Variants in UBOX5 observed in about 807,000 individuals in gnomAD.
UBOX5 encodes U-box domain containing 5, also known as RING finger protein 37.
UBOX5 carries 28 observed loss-of-function variants against 39.0 expected under a neutral mutation model. That is an observed-to-expected ratio of 0.72 (90% CI 0.53 to 0.98). The LOEUF (loss-of-function observed/expected upper bound fraction) is 0.98, where lower values mean the gene tolerates loss of function less well. Among genes scored for constraint, UBOX5 ranks in the 50% least tolerant of loss-of-function variants. UBOX5 has a pLI of 0.00. For synonymous variants in UBOX5, 283 were observed against 275.5 expected (o/e 1.03, Z -0.27); for missense variants, 585 against 674.4 (o/e 0.87, Z 1.47).
intron 1 of UBOX5, chr20:3,148,602 T>C (rs774784083): frequency 6.2e-7 from 1 of 1,614,196 alleles, no homozygotes; most frequent in Non-Finnish European, 8.5e-7. Context: ...GCCTGGAGAT[T>C]ATTTTGATTA....
At chr20:3,150,550 ACAAG>A (rs2066613985) in intron 1 of UBOX5, 1 of 152,206 alleles carries the variant, frequency 6.6e-6, no homozygotes, top group Non-Finnish European at 1.5e-5. Flanking sequence ...CCAAAGCCTG[ACAAG>A]CAAGACCCAA....
At chr20:3,140,937 T>A (rs1769376059) in intron 1 of UBOX5, among the ~76,000 whole-genome samples, 1 of 143,442 alleles carries the variant, frequency 7.0e-6, no homozygotes, top group Admixed American at 6.9e-5. Flanking sequence ...TTTTTTTTTT[T>A]AGACTGAGTC....
chr20:3,110,254 T>C lies in UBOX5; in HGVS notation c.1478A>G (p.Tyr493Cys), dbSNP rs748128271. Residue 493 changes from tyrosine (Y) to cysteine (C), a missense_variant, in exon 5 of 5, where the codon TAC (tyrosine) becomes TGC (cysteine). Tyr to Cys is a radical substitution (Grantham distance 194). Transcript: ENST00000217173. ...CASCKRVFSP[Y>C]FKKEPVYQLP... ...CTGGTACACCGGCTCCTTTTTGAAG[T>C]AGGGAGAAAATACTCTTTTGCAGGA... 74 of 1,613,938 alleles carry C rather than the reference T, an allele frequency of 4.6e-5. No homozygotes were observed. The highest frequency in any genetic ancestry group is 5.3e-5 in the Non-Finnish European group (62 of 1,180,016).
At chr20:3,143,672 G>C (rs1279935641) in intron 1 of UBOX5, among the ~76,000 whole-genome samples, 1 of 152,118 alleles carries the variant, frequency 6.6e-6, no homozygotes, top group Non-Finnish European at 1.5e-5. Context: ...GCAGGTGCCT[G>C]TAATCCCAGC....
chr20:3,148,291 C>T (rs1339818203), intron 1 of UBOX5: 6 of 1,613,040 alleles, frequency 3.7e-6, no homozygotes, highest in Non-Finnish European at 5.1e-6. Flanking sequence ...TGTTTAAAAA[C>T]CTAGGTACTT....
At chr20:3,146,728 T>G (rs755925367) in intron 1 of UBOX5, 8 of 1,557,538 alleles carry the variant, frequency 5.1e-6, no homozygotes, top group Admixed American at 2.0e-5. Context: ...CAACACCTGG[T>G]ACAGTATACA....
chr20:3,147,976 G>C, intron 1 of UBOX5: 1 of 1,614,166 alleles, frequency 6.2e-7, no homozygotes, highest in Non-Finnish European at 8.5e-7. Flanking sequence ...CCACGTGAGT[G>C]AAACGGAACA....
At chr20:3,159,091 G>A (rs1314003276) in intron 1 of UBOX5, among the ~76,000 whole-genome samples, 1 of 152,168 alleles carries the variant, frequency 6.6e-6, no homozygotes, top group Non-Finnish European at 1.5e-5. Flanking sequence ...AGTCAAGACA[G>A]AAGAGCTGTG....
chr20:3,142,571 T>C, intron 1 of UBOX5, among the ~76,000 whole-genome samples: 1 of 134,462 alleles, frequency 7.4e-6, no homozygotes, highest in African/African-American at 2.9e-5. Flanking sequence ...GCTACTACAC[T>C]CCAGCCTGGG....
chr20:3,133,756 T>TC (rs1555762467), intron 1 of UBOX5, among the ~76,000 whole-genome samples: 1 of 147,812 alleles, frequency 6.8e-6, no homozygotes, highest in Non-Finnish European at 1.5e-5. Context: ...TTATTTTTTT[T>TC]GGGGGGGGGA....
intron 1 of UBOX5, among the ~76,000 whole-genome samples, chr20:3,143,614 C>T (rs1243815401): frequency 2.0e-5 from 3 of 151,948 alleles, no homozygotes; most frequent in African/African-American, 4.8e-5. Flanking sequence ...GCCAAGATGG[C>T]GAAACCCTGT....
At chr20:3,124,277 C>T (rs1424072066) in intron 1 of UBOX5, among the ~76,000 whole-genome samples, 1 of 152,170 alleles carries the variant, frequency 6.6e-6, no homozygotes, top group Non-Finnish European at 1.5e-5. Flanking sequence ...CTGGACTGTA[C>T]TGCCGTGATC....
In UBOX5 at chr20:3,122,335, G is replaced by C; in HGVS notation, c.304C>G (p.Leu102Val). Reference protein sequence around the residue: ...VSWNTPQCRTLGPAEPSVPDK... With the variant: ...VSWNTPQCRTVGPAEPSVPDK... The stretch of plus-strand genomic sequence containing the variant: ...GGGACAGATGGCTCAGCTGGGCCCA[G>C]GGTCCGGCACTGGGGCGTATTCCAA... Residue 102 changes from leucine (L) to valine (V), a missense_variant, in exon 3 of 5, where the codon CTG (leucine) becomes GTG (valine). Coordinates refer to ENST00000217173, the MANE Select transcript of UBOX5 (RefSeq NM_014948.4). 1 of 1,614,236 alleles carries C rather than the reference G, an allele frequency of 6.2e-7. No individual in the cohort carries two copies. The highest frequency in any genetic ancestry group is 8.5e-7 in the Non-Finnish European group (1 of 1,180,042).
intron 1 of UBOX5, among the ~76,000 whole-genome samples, chr20:3,153,116 C>A (rs2066648632): frequency 6.6e-6 from 1 of 152,108 alleles, no homozygotes; most frequent in South Asian, 2.1e-4. Context: ...TAACAAATAT[C>A]TCTATAAATG....
Position 3,109,670 on chromosome 20 carries a change from C to T in UBOX5, c.*436G>A, listed in dbSNP as rs1801899. 2,910 of 220,662 alleles carry T rather than the reference C, an allele frequency of 0.013. 43 individuals carry two copies. The highest frequency in any genetic ancestry group is 0.047 in the South Asian group (637 of 13,442). 13.7% of individuals were successfully genotyped at this position (220,662 alleles called of 1,614,324 possible). A position where few individuals can be genotyped will look rare whatever the true frequency, so the allele number is the denominator to read the frequency against. On this transcript the variant is annotated 3_prime_UTR_variant, in exon 5 of 5. Transcript: ENST00000217173. The stretch of plus-strand genomic sequence containing the variant: ...TCGGGGGGCTGAGTCATGCACTCCA[C>T]AGACACCCCCACTGCTCCCAAGGTC...
rs1182837447 is a variant in UBOX5, at chr20:3,122,329, G to A, written c.310C>T (p.Pro104Ser). The A allele has an allele frequency of 6.2e-7, 1 of 1,614,180 alleles. No homozygotes were observed. The highest frequency in any genetic ancestry group is 2.2e-5 in the East Asian group (1 of 44,880). Residue 104 changes from proline (P) to serine (S), a missense_variant, in exon 3 of 5, where the codon CCA becomes TCA. Transcript: ENST00000217173. ...WNTPQCRTLGPAEPSVPDKEA... is the reference protein window; with the variant it reads ...WNTPQCRTLGSAEPSVPDKEA... Reference sequence around the variant, plus strand: ...TTGTCTGGGACAGATGGCTCAGCTGGGCCCAGGGTCCGGCACTGGGGCGTA... The same window carrying A: ...TTGTCTGGGACAGATGGCTCAGCTGAGCCCAGGGTCCGGCACTGGGGCGTA...
intron 1 of UBOX5, among the ~76,000 whole-genome samples, chr20:3,155,103 G>C (rs923673937): frequency 6.6e-6 from 1 of 150,682 alleles, no homozygotes; most frequent in African/African-American, 2.4e-5. Flanking sequence ...AATAAATATA[G>C]TGATGGCCAG....
At chr20:3,159,487 G>A (rs1297079925) in intron 1 of UBOX5, among the ~76,000 whole-genome samples, 1 of 152,236 alleles carries the variant, frequency 6.6e-6, no homozygotes, top group Non-Finnish European at 1.5e-5. Flanking sequence ...CGTGAGACAA[G>A]TACTGTTACG....
At chr20:3,133,924 TG>T (rs1568475989) in intron 1 of UBOX5, among the ~76,000 whole-genome samples, 1 of 151,916 alleles carries the variant, frequency 6.6e-6, no homozygotes, top group Non-Finnish European at 1.5e-5. Context: ...GGCTAATTTT[TG>T]GGGGTTTTTT....
Sources: gnomAD v4.1 joint callset for allele counts (sites outside exome capture counted in the v4.1 genomes callset) on GRCh38, gnomAD v4.1.1 for gene constraint, MANE v1.5 for transcripts, NCBI Gene and HGNC (gene_info 2026-07-23, HGNC 2026-07-21) for gene names.